The following PPFIA2 variants were observed in gnomAD, a reference collection of about 807,000 sequenced individuals.
PPFIA2 encodes PPFI scaffold protein A2.
PPFIA2 carries 46 observed loss-of-function variants against 175.5 expected under a neutral mutation model. The ratio of observed to expected loss-of-function variants is 0.26; its 90% CI spans 0.21 to 0.34. PPFIA2 has a LOEUF of 0.34. PPFIA2 is among the 10% of genes least tolerant of loss of function. PPFIA2 has a pLI of 1.00. For synonymous variants in PPFIA2, 568 were observed against 511.4 expected (o/e 1.11, Z -1.49); for missense variants, 1,179 against 1,506.1 (o/e 0.78, Z 3.60).
Position 81,744,895 on chromosome 12 carries a change from C to G in PPFIA2, c.249+9078G>C, listed in dbSNP as rs926765775. ...AATACCACTTACAAATTGTGTGGTGCTGAAGAAGTTACCTAACCTCTCTGT... is the reference window on the plus strand; with the variant it reads ...AATACCACTTACAAATTGTGTGGTGGTGAAGAAGTTACCTAACCTCTCTGT... On this transcript the variant is annotated intron_variant, in intron 3 of 32. Transcript: ENST00000549396. Among the ~76,000 whole-genome samples the G allele has an allele frequency of 3.3e-5, 5 of 152,130 alleles. No homozygotes were observed. In the South Asian group the frequency reaches 8.3e-4, roughly 25 times the overall value.
rs1296136631 is a variant in PPFIA2 at position 81,357,966 on chromosome 12, G to A, written c.1773+116C>T. ...TTTTTTTAAAAATGTCATACTCTGT[G>A]TTTCAAATTAATAAAAATGCTAGCA... is the stretch of plus-strand genomic sequence containing the variant. On this transcript the variant is annotated intron_variant, in intron 16 of 32. Coordinates refer to ENST00000549396, the MANE Select transcript of PPFIA2 (RefSeq NM_003625.5). The A allele has an allele frequency of 2.4e-5, 26 of 1,104,588 alleles. No homozygotes were observed. In the Admixed American group the frequency reaches 7.6e-4, roughly 32 times the overall value. The allele number at this position is 1,104,588 out of a possible 1,614,324, so 68.4% of individuals were successfully genotyped here.
intron 22 of PPFIA2, among the ~76,000 whole-genome samples, chr12:81,313,100 C>T (rs554044552): frequency 6.6e-6 from 1 of 152,142 alleles, no homozygotes; most frequent in South Asian, 2.1e-4. Context: ...GACATTGATA[C>T]ACATATAGCT....
At chr12:81,712,619 C>T (rs1476650625) in intron 3 of PPFIA2, among the ~76,000 whole-genome samples, 2 of 151,024 alleles carry the variant, frequency 1.3e-5, no homozygotes, top group African/African-American at 4.8e-5. Flanking sequence ...ATGAACAGCC[C>T]ACTCTCAAAT....
chr12:81,663,925 A>G (rs2069524093), intron 4 of PPFIA2, among the ~76,000 whole-genome samples: 1 of 152,208 alleles, frequency 6.6e-6, no homozygotes, highest in African/African-American at 2.4e-5. Flanking sequence ...CCTGACAAAA[A>G]CAAGAAATGG....
chr12:81,683,584 A>G (rs1246981199), intron 3 of PPFIA2, among the ~76,000 whole-genome samples: 5 of 151,956 alleles, frequency 3.3e-5, no homozygotes, highest in Admixed American at 6.6e-5. Context: ...CTCTGACTAT[A>G]TCTTTTGCCG....
At chr12:81,404,273 T>C (rs2042545068) in intron 8 of PPFIA2, among the ~76,000 whole-genome samples, 1 of 152,198 alleles carries the variant, frequency 6.6e-6, no homozygotes, top group South Asian at 2.1e-4. Flanking sequence ...TAGATTAGCA[T>C]AAATACAGCA....
chr12:81,473,923 T>C (rs2057123098), intron 4 of PPFIA2, among the ~76,000 whole-genome samples: 2 of 152,216 alleles, frequency 1.3e-5, no homozygotes, highest in South Asian at 4.1e-4. Flanking sequence ...TTTTTATTTA[T>C]GTAATAAATA....
chr12:81,319,387 G>A (rs1018055213), intron 22 of PPFIA2, among the ~76,000 whole-genome samples: 2 of 151,694 alleles, frequency 1.3e-5, no homozygotes, highest in Non-Finnish European at 3.0e-5. Flanking sequence ...TTTGGTTGAA[G>A]GTAGGTAGGG....
At position 81,642,727 on chromosome 12, in the gene PPFIA2, A is replaced by G. The variant is rs1305589406; in HGVS notation, c.303+34064T>C. Among the ~76,000 whole-genome samples the G allele has an allele frequency of 6.2e-5, 5 of 81,276 alleles. 1 individual carries two copies. The highest frequency in any genetic ancestry group is 1.3e-4 in the African/African-American group (3 of 23,534). 53.3% of individuals were successfully genotyped at this position (81,276 alleles called of 152,430 possible). A position where few individuals can be genotyped will look rare whatever the true frequency, so the allele number is the denominator to read the frequency against. ...ATATGTATGTATGTATTATATACATACATGTATATGTATGTATGTATTATA... is the reference window on the plus strand; with the variant it reads ...ATATGTATGTATGTATTATATACATGCATGTATATGTATGTATGTATTATA... On this transcript the variant is annotated intron_variant, in intron 4 of 32. Transcript: ENST00000549396.
intron 23 of PPFIA2, chr12:81,296,490 A>G (rs1235149965): frequency 6.6e-6 from 1 of 152,194 alleles, no homozygotes; most frequent in Non-Finnish European, 1.5e-5. Flanking sequence ...CATCACTTAA[A>G]ACAGGAATAT....
At chr12:81,607,919 T>C (rs1397241870) in intron 4 of PPFIA2, among the ~76,000 whole-genome samples, 1 of 152,100 alleles carries the variant, frequency 6.6e-6, no homozygotes, top group Non-Finnish European at 1.5e-5. Flanking sequence ...AGTATGATGT[T>C]GGTTGTGTGT....
chr12:81,718,820 A>G (rs897352450), intron 3 of PPFIA2, among the ~76,000 whole-genome samples: 2 of 151,648 alleles, frequency 1.3e-5, no homozygotes, highest in African/African-American at 4.8e-5. Flanking sequence ...CAGCTGGCTG[A>G]TGCACAGAGG....
At chr12:81,463,097 T>C (rs746741679) in intron 4 of PPFIA2, among the ~76,000 whole-genome samples, 4 of 152,076 alleles carry the variant, frequency 2.6e-5, no homozygotes, top group Admixed American at 1.3e-4. Context: ...TCCATATATA[T>C]AAAAATGTAT....
chr12:81,297,404 GA>G (rs920833647), intron 23 of PPFIA2, among the ~76,000 whole-genome samples: 49 of 148,980 alleles, frequency 3.3e-4, no homozygotes, highest in East Asian at 1.2e-3. Context: ...TGTCTCTTTT[GA>G]AAAAAAAAAT....
intron 22 of PPFIA2, among the ~76,000 whole-genome samples, chr12:81,318,305 C>T (rs574264082): frequency 4.3e-4 from 65 of 151,788 alleles, no homozygotes; most frequent in Non-Finnish European, 8.0e-4. Flanking sequence ...CTGGTAAATG[C>T]ATCGAATTTT....
intron 3 of PPFIA2, among the ~76,000 whole-genome samples, chr12:81,688,843 C>A (rs1198097819): frequency 7.1e-6 from 1 of 140,102 alleles, no homozygotes; most frequent in East Asian, 2.1e-4. Flanking sequence ...AAAATAGATA[C>A]TTCTAATAAT....
chr12:81,522,860 T>C (rs1267606236), intron 4 of PPFIA2, among the ~76,000 whole-genome samples: 1 of 152,182 alleles, frequency 6.6e-6, no homozygotes, highest in Non-Finnish European at 1.5e-5. Context: ...TTGGTTAAGG[T>C]AGTGGTAGCT....
intron 16 of PPFIA2, 29 bp from the exon 17 acceptor site, chr12:81,353,368 A>G: frequency 6.9e-7 from 1 of 1,450,202 alleles, no homozygotes; most frequent in Non-Finnish European, 9.7e-7. Flanking sequence ...AATGCAGAAT[A>G]TTTATCATAT....
chr12:81,617,429 CAT>C (rs915703082), intron 4 of PPFIA2, among the ~76,000 whole-genome samples: 4 of 152,154 alleles, frequency 2.6e-5, no homozygotes, highest in African/African-American at 9.7e-5. Context: ...AAGTTATTCA[CAT>C]GTTATTGTGC....
Sources: gnomAD v4.1 joint callset for allele counts (sites outside exome capture counted in the v4.1 genomes callset) on GRCh38, gnomAD v4.1.1 for gene constraint, MANE v1.5 for transcripts, NCBI Gene and HGNC (gene_info 2026-07-23, HGNC 2026-07-21) for gene names.